Variants in RSRC1 observed in about 807,000 individuals in gnomAD.
RSRC1 encodes the protein serine/Arginine-related protein 53.
RSRC1 carries 39 observed loss-of-function variants against 49.1 expected under a neutral mutation model. That is an observed-to-expected ratio of 0.79 (90% CI 0.61 to 1.04). RSRC1 has a LOEUF of 1.04. RSRC1 is among the 50% of genes least tolerant of loss of function. RSRC1 has a pLI of 0.00. For synonymous variants in RSRC1, 143 were observed against 130.8 expected (o/e 1.09, Z -0.63); for missense variants, 388 against 402.4 (o/e 0.96, Z 0.31).
chr3:158,353,099 G>A (rs1273550335), intron 5 of RSRC1, among the ~76,000 whole-genome samples: 1 of 151,992 alleles, frequency 6.6e-6, no homozygotes, highest in African/African-American at 2.4e-5. Flanking sequence ...CAGTCCTTTT[G>A]TTTTACCAAT....
chr3:158,273,838 C>T (rs1041058149), intron 4 of RSRC1, among the ~76,000 whole-genome samples: 3 of 152,132 alleles, frequency 2.0e-5, no homozygotes, highest in African/African-American at 7.2e-5. Context: ...TTCATTCTCT[C>T]TCCCTCTGTC....
chr3:158,237,738 A>ATGTC (rs1723320417), intron 4 of RSRC1, among the ~76,000 whole-genome samples: 1 of 152,154 alleles, frequency 6.6e-6, no homozygotes, highest in Non-Finnish European at 1.5e-5. Context: ...ATATACAGTC[A>ATGTC]TGTCATCTGC....
At chr3:158,312,427 A>G (rs1193510) in intron 5 of RSRC1, among the ~76,000 whole-genome samples, 73,202 of 152,048 alleles carry the variant, frequency 0.48, 18,262 homozygotes, top group East Asian at 0.64. Flanking sequence ...ATGATGAACC[A>G]GATCAGGAGA....
At chr3:158,480,514 C>A (rs1032572137) in intron 7 of RSRC1, among the ~76,000 whole-genome samples, 1 of 151,780 alleles carries the variant, frequency 6.6e-6, no homozygotes, top group African/African-American at 2.4e-5. Flanking sequence ...TTGGTTTTTT[C>A]TAATTTTTAT....
rs1157701171 is a variant in RSRC1, at chr3:158,135,858, C to T, written c.320+11867C>T. On this transcript the variant is annotated intron_variant, in intron 3 of 9. Coordinates refer to ENST00000611884, the MANE Select transcript of RSRC1 (RefSeq NM_001271838.2). ...GGACCCTTGAACATGTGGTGGTTGC[C>T]TCTGCTCAAAATGTACTTTTCTCCC... Among the ~76,000 whole-genome samples, 2 of 152,080 alleles carry T rather than the reference C, an allele frequency of 1.3e-5. 1 individual carries two copies. The highest frequency in any genetic ancestry group is 1.3e-4 in the Admixed American group (2 of 15,266).
At chr3:158,415,148 G>C (rs946236167) in intron 6 of RSRC1, among the ~76,000 whole-genome samples, 1 of 152,062 alleles carries the variant, frequency 6.6e-6, no homozygotes, top group African/African-American at 2.4e-5. Flanking sequence ...GCTTGAAAAT[G>C]GTGTGAGATA....
At chr3:158,232,440 C>A (rs916319507) in intron 4 of RSRC1, among the ~76,000 whole-genome samples, 3 of 152,064 alleles carry the variant, frequency 2.0e-5, no homozygotes, top group African/African-American at 7.2e-5. Flanking sequence ...TGTTACTTGA[C>A]AGGTGGGGAT....
chr3:158,490,336 A>C (rs113838610), intron 7 of RSRC1, among the ~76,000 whole-genome samples: 1 of 152,068 alleles, frequency 6.6e-6, no homozygotes, highest in African/African-American at 2.4e-5. Context: ...CACCCACCTC[A>C]CCCTTCCAAA....
At chr3:158,463,051 C>T (rs529338145) in intron 7 of RSRC1, among the ~76,000 whole-genome samples, 1 of 152,090 alleles carries the variant, frequency 6.6e-6, no homozygotes, top group South Asian at 2.1e-4. Flanking sequence ...AAATCAATGA[C>T]CAATTTCCCT....
chr3:158,124,847 G>T (rs1483331341), intron 3 of RSRC1, among the ~76,000 whole-genome samples: 2 of 135,780 alleles, frequency 1.5e-5, no homozygotes, highest in African/African-American at 2.8e-5. Flanking sequence ...GAGGTGAGGT[G>T]TTGCTCTGTC....
Position 158,191,132 on chromosome 3 carries a change from T to C in RSRC1, c.321-11940T>C, listed in dbSNP as rs569553821. 4.4e-4 allele frequency among the ~76,000 whole-genome samples: 67 copies of C among 151,980 alleles called. 1 individual carries two copies. Among genetic ancestry groups the C allele is most frequent in the East Asian group, 7.7e-4 (4 of 5,168 alleles). ...GCACCTTGTTTCCAGTTTTCCTTTA[T>C]CACCAAGCCACCGGTGGACACCTCC... is the stretch of plus-strand genomic sequence containing the variant. On this transcript the variant is annotated intron_variant, in intron 3 of 9. Coordinates refer to ENST00000611884, the MANE Select transcript of RSRC1 (RefSeq NM_001271838.2).
At chr3:158,124,310 A>G (rs1715478061) in intron 3 of RSRC1, among the ~76,000 whole-genome samples, 1 of 152,094 alleles carries the variant, frequency 6.6e-6, no homozygotes, top group South Asian at 2.1e-4. Flanking sequence ...TGCGTTCCCC[A>G]GACATGAGTT....
rs112782585 is a variant in RSRC1, at chr3:158,537,079, C to A, written c.653-13C>A. The A allele has an allele frequency of 6.4e-7, 1 of 1,566,216 alleles. No individual in the cohort carries two copies. Among genetic ancestry groups the A allele is most frequent in the Non-Finnish European group, 8.8e-7 (1 of 1,138,160 alleles). ...TACACCAAAATACGCTGACATTATA[C>A]CCTCTTTTTCAGACCAAGCCACCCT... On this transcript the variant is annotated splice_polypyrimidine_tract_variant and intron_variant, in intron 7 of 9. Transcript: ENST00000611884.
chr3:158,239,687 A>G (rs1723456230), intron 4 of RSRC1, among the ~76,000 whole-genome samples: 1 of 152,080 alleles, frequency 6.6e-6, no homozygotes, highest in African/African-American at 2.4e-5. Context: ...ACAAACCTGC[A>G]TATTGTGCAC....
chr3:158,344,754 CAAT>C (rs1474410024), intron 5 of RSRC1, among the ~76,000 whole-genome samples: 11 of 152,218 alleles, frequency 7.2e-5, no homozygotes, highest in Admixed American at 2.6e-4. Context: ...TCAACAACAA[CAAT>C]GTTTTGTGGA....
chr3:158,515,051 T>G (rs1254604595), intron 7 of RSRC1, among the ~76,000 whole-genome samples: 10 of 149,798 alleles, frequency 6.7e-5, no homozygotes, highest in Admixed American at 2.0e-4. Flanking sequence ...AGCACACTGA[T>G]GGGTCTTGAC....
intron 3 of RSRC1, among the ~76,000 whole-genome samples, chr3:158,143,893 T>G (rs1716912924): frequency 1.3e-5 from 2 of 152,214 alleles, no homozygotes; most frequent in African/African-American, 2.4e-5. Context: ...GCTACTATGT[T>G]GGCTTTTATT....
chr3:158,157,948 A>T lies in RSRC1; in HGVS notation c.320+33957A>T, dbSNP rs146939417. 1.0e-3 allele frequency among the ~76,000 whole-genome samples: 156 copies of T among 152,074 alleles called. 1 individual carries two copies. Among genetic ancestry groups the T allele is most frequent in the African/African-American group, 3.5e-3 (146 of 41,510 alleles). ...AAGAGCAAGTGACAGTCCCTTTTGG[A>T]TTACTGTCGCTTTGGTTTTACTGAT... On this transcript the variant is annotated intron_variant, in intron 3 of 9. Transcript: ENST00000611884.
At chr3:158,494,294 CAT>C (rs991496272) in intron 7 of RSRC1, among the ~76,000 whole-genome samples, 1 of 152,108 alleles carries the variant, frequency 6.6e-6, no homozygotes, top group Non-Finnish European at 1.5e-5. Context: ...TGTCTCAAAA[CAT>C]AGAAAAGTTT....
Sources: gnomAD v4.1 joint callset for allele counts (sites outside exome capture counted in the v4.1 genomes callset) on GRCh38, gnomAD v4.1.1 for gene constraint, MANE v1.5 for transcripts, NCBI Gene and HGNC (gene_info 2026-07-23, HGNC 2026-07-21) for gene names.